Variants in USP9X observed in about 807,000 individuals in gnomAD.
USP9X encodes ubiquitin specific peptidase 9 X-linked, also known as ubiquitin carboxyl-terminal hydrolase 9X.
A neutral mutation model predicts 190.3 loss-of-function variants in USP9X; 7 were observed. The observed-to-expected ratio is 0.04, with a 90% CI of 0.02 to 0.07. USP9X has a LOEUF of 0.07. USP9X is among the 10% of genes least tolerant of loss of function. The probability of loss-of-function intolerance (pLI) is 1.00; values close to 1 mark genes in which losing one functional copy is unlikely to be tolerated. For missense variants in USP9X, 1,010 were observed against 1,916.9 expected (o/e 0.53, Z 8.83); for synonymous variants, 645 against 659.5 (o/e 0.98, Z 0.34).
Position 41,129,134 on chromosome X carries a change from C to T in USP9X, c.231C>T (p.Asp77=). 2 of 1,208,022 alleles carry T rather than the reference C, an allele frequency of 1.7e-6. No homozygotes were observed. Among genetic ancestry groups the T allele is most frequent in the South Asian group, 3.6e-5 (2 of 55,764 alleles). The change falls in exon 3 of 45, where the codon GAC becomes GAT. Residue 77 remains aspartate (D), a synonymous_variant. Coordinates refer to ENST00000378308, the MANE Select transcript of USP9X (RefSeq NM_001039591.3). ...FPHTDLAKLD[D]MINRPRWVVP... ...ATACTGACTTGGCCAAGTTGGATGA[C>T]ATGATCAACAGGTGAGTTGGTGTGT...
intron 1 of USP9X, among the ~76,000 whole-genome samples, chrX:41,120,049 C>A (rs1039397473): frequency 9.0e-6 from 1 of 111,326 alleles, no homozygotes; most frequent in Non-Finnish European, 1.9e-5. Flanking sequence ...GCTTCTATGT[C>A]TTTAGACTCA....
Position 41,234,045 on chromosome X carries a change from CTTTT to C in USP9X, c.*1533_*1536del, listed in dbSNP as rs747569481. The C allele has an allele frequency of 1.1e-5, 1 of 93,180 alleles. No individual in the cohort carries two copies. Among genetic ancestry groups the C allele is most frequent in the African/African-American group, 3.9e-5 (1 of 25,321 alleles). 7.7% of individuals were successfully genotyped at this position (93,180 alleles called of 1,213,427 possible). ...TTTTTTTTTGGTTACTTTTTTTGTC[CTTTT>C]TTTTTTTTTTTAAAAGAGGACTGCA... is the stretch of plus-strand genomic sequence containing the variant. On this transcript the variant is annotated 3_prime_UTR_variant, in exon 45 of 45. Coordinates refer to ENST00000378308, the MANE Select transcript of USP9X (RefSeq NM_001039591.3).
In USP9X at chrX:41,232,531, C is replaced by T. The variant is rs1186706324; in HGVS notation, c.*7C>T. 4 of 1,208,646 alleles carry T rather than the reference C, an allele frequency of 3.3e-6. No individual in the cohort carries two copies. Among genetic ancestry groups the T allele is most frequent in the Non-Finnish European group, 1.1e-6 (1 of 893,847 alleles). On this transcript the variant is annotated 3_prime_UTR_variant, in exon 45 of 45. Coordinates refer to ENST00000378308, the MANE Select transcript of USP9X (RefSeq NM_001039591.3). ...TCAAACCAAGGATCAATGAAATGCA[C>T]ATAATTAACTGGTTCCATCAAGACT...
chrX:41,196,070 A>G (rs1164876093), intron 26 of USP9X, 181 bp from the exon 27 acceptor site: 5 of 524,109 alleles, frequency 9.5e-6, no homozygotes, highest in Admixed American at 5.5e-5. Context: ...GCTTAAGTTC[A>G]TGTATTATGT....
intron 1 of USP9X, among the ~76,000 whole-genome samples, chrX:41,095,159 G>A (rs1417965917): frequency 8.9e-6 from 1 of 111,841 alleles, no homozygotes; most frequent in Non-Finnish European, 1.9e-5. Flanking sequence ...ATGATTCTCT[G>A]CTTTCAAGGC....
rs2061908276 is a variant in USP9X, at chrX:41,086,093, G to A, written c.-175G>A. On this transcript the variant is annotated 5_prime_UTR_variant, in exon 1 of 45. Coordinates refer to ENST00000378308, the MANE Select transcript of USP9X (RefSeq NM_001039591.3). Reference sequence around the variant, plus strand: ...CCTCCGTGTGCCCTGGTTGTGAGAAGACGTCTGTGTCGTGCGGTGAGTGGC... The same window carrying A: ...CCTCCGTGTGCCCTGGTTGTGAGAAAACGTCTGTGTCGTGCGGTGAGTGGC... 3.4e-6 allele frequency: 1 copy of A among 295,981 alleles called. No individual in the cohort carries two copies. The highest frequency in any genetic ancestry group is 2.7e-5 in the African/African-American group (1 of 36,574). 24.4% of individuals were successfully genotyped at this position (295,981 alleles called of 1,213,427 possible). A position where few individuals can be genotyped will look rare whatever the true frequency, so the allele number is the denominator to read the frequency against.
chrX:41,210,804 C>A, intron 33 of USP9X, 122 bp downstream of exon 33: 1 of 736,630 alleles, frequency 1.4e-6, no homozygotes, highest in South Asian at 3.1e-5. Flanking sequence ...ATACCTGAAA[C>A]AGAATGATTT....
At chrX:41,183,934 T>C in intron 21 of USP9X, 64 bp from the exon 22 acceptor site, 2 of 1,129,660 alleles carry the variant, frequency 1.8e-6, no homozygotes, top group South Asian at 4.7e-5. Context: ...CTTCAAGATA[T>C]CAAAAGTTAA....
Position 41,218,462 on chromosome X carries a change from C to A in USP9X, c.6300C>A (p.Phe2100Leu). 1 of 1,211,625 alleles carries A rather than the reference C, an allele frequency of 8.3e-7. No individual in the cohort carries two copies. Among genetic ancestry groups the A allele is most frequent in the Non-Finnish European group, 1.1e-6 (1 of 895,527 alleles). The stretch of plus-strand genomic sequence containing the variant: ...TCCTTTTTAATGTTTCAAATCGCTT[C>A]TCCGAATACCTTCTGGAGTGCCCTA... ...HNVLFNVSNR[F>L]SEYLLECPSA... The change falls in exon 37 of 45, where the codon TTC (phenylalanine) becomes TTA (leucine). Residue 2100 changes from phenylalanine to leucine, a missense_variant. By Grantham distance (22) the Phe-to-Leu change is conservative. Transcript: ENST00000378308.
At chrX:41,154,399 C>T (rs758885777) in intron 14 of USP9X, among the ~76,000 whole-genome samples, 4 of 111,700 alleles carry the variant, frequency 3.6e-5, no homozygotes, top group Non-Finnish European at 5.7e-5. Flanking sequence ...TGGTACACAG[C>T]CCTCATGGTT....
At chrX:41,161,761 T>G (rs1287217178) in intron 14 of USP9X, among the ~76,000 whole-genome samples, 1 of 104,275 alleles carries the variant, frequency 9.6e-6, no homozygotes, top group Non-Finnish European at 2.0e-5. Flanking sequence ...CTCACTTTTT[T>G]TTTTTTGAGA....
intron 6 of USP9X, among the ~76,000 whole-genome samples, chrX:41,140,364 TTA>T (rs1411477447): frequency 8.9e-6 from 1 of 111,858 alleles, no homozygotes; most frequent in Non-Finnish European, 1.9e-5. Context: ...GTATTCATTC[TTA>T]TATGGTGGGA....
At chrX:41,086,804 CCTTT>C (rs1419026247) in intron 1 of USP9X, among the ~76,000 whole-genome samples, 1 of 112,575 alleles carries the variant, frequency 8.9e-6, no homozygotes, top group Non-Finnish European at 1.9e-5. Context: ...GGACCTATTA[CCTTT>C]CTATTTTTAA....
chrX:41,134,520 A>G (rs2062354558), intron 4 of USP9X, among the ~76,000 whole-genome samples: 1 of 112,587 alleles, frequency 8.9e-6, no homozygotes, highest in Admixed American at 9.4e-5. Flanking sequence ...GCTGATCACC[A>G]TTTTGTGTTT....
At chrX:41,130,896 T>C (rs1034533256) in intron 3 of USP9X, among the ~76,000 whole-genome samples, 18 of 110,547 alleles carry the variant, frequency 1.6e-4, no homozygotes, top group Non-Finnish European at 2.7e-4. Context: ...TGGCTAATTT[T>C]TGTATTTTTA....
intron 44 of USP9X, among the ~76,000 whole-genome samples, chrX:41,231,306 C>A (rs1156653478): frequency 8.9e-6 from 1 of 111,815 alleles, no homozygotes; most frequent in Non-Finnish European, 1.9e-5. Context: ...CCAAGTGATG[C>A]TGCTGGTGGT....
intron 14 of USP9X, among the ~76,000 whole-genome samples, chrX:41,157,182 CAG>C (rs2062586645): frequency 8.9e-6 from 1 of 111,734 alleles, no homozygotes; most frequent in Non-Finnish European, 1.9e-5. Flanking sequence ...TACCCCGACT[CAG>C]GGGCAACTCT....
At chrX:41,186,762 G>A (rs2062880206) in intron 24 of USP9X, 120 bp downstream of exon 24, 1 of 791,965 alleles carries the variant, frequency 1.3e-6, no homozygotes, top group Non-Finnish European at 1.8e-6. Flanking sequence ...ATTAATATTA[G>A]TACTTTCTGT....
rs1569189210 is a variant in USP9X at position 41,196,297 on chromosome X, A to G, written c.4024A>G (p.Arg1342Gly). The G allele has an allele frequency of 8.3e-7, 1 of 1,212,003 alleles. No individual in the cohort carries two copies. Reference protein sequence around the residue: ...AQEQFFLMCTRCCMGHRPLLF... With the variant: ...AQEQFFLMCTGCCMGHRPLLF... ...GGAGCAGTTCTTTTTAATGTGCACC[A>G]GATGTTGCATGGGACACCGGCCTCT... The change falls in exon 27 of 45, where the codon AGA becomes GGA. Residue 1342 changes from arginine (R) to glycine (G), a missense_variant. By Grantham distance (125) the Arg-to-Gly change is moderately radical. Transcript: ENST00000378308.
Sources: allele counts gnomAD v4.1 joint callset (sites outside exome capture counted in the v4.1 genomes callset), GRCh38; gene constraint gnomAD v4.1.1; transcripts MANE v1.5; gene names NCBI Gene and HGNC (gene_info 2026-07-23, HGNC 2026-07-21).